ZNF736: variants seen among roughly 807,000 people sequenced by gnomAD.
ZNF736 encodes zinc finger protein 736.
In ZNF736, 6 loss-of-function variants were observed where a neutral mutation model predicts 11.7. The ratio of observed to expected loss-of-function variants is 0.51; its 90% CI spans 0.28 to 1.01. ZNF736 has a LOEUF of 1.01. ZNF736 is among the 50% of genes least tolerant of loss of function. The pLI is 0.09. For synonymous variants in ZNF736, 139 were observed against 164.7 expected (o/e 0.84, Z 1.19); for missense variants, 444 against 496.0 (o/e 0.90, Z 1.00).
At chr7:64,342,969 T>C (rs1789358360) in intron 3 of ZNF736, among the ~76,000 whole-genome samples, 1 of 152,170 alleles carries the variant, frequency 6.6e-6, no homozygotes, top group Non-Finnish European at 1.5e-5. Context: ...CCTTTACATT[T>C]TGTGCAAAAA....
intron 3 of ZNF736, among the ~76,000 whole-genome samples, chr7:64,338,244 AC>A (rs1275064973): frequency 2.0e-5 from 3 of 152,202 alleles, no homozygotes; most frequent in Non-Finnish European, 4.4e-5. Flanking sequence ...ATAATTGAAT[AC>A]CTATGTATTG....
At position 64,349,205 on chromosome 7, in the gene ZNF736, A is replaced by C; in HGVS notation, c.*58A>C. The C allele has an allele frequency of 7.5e-7, 1 of 1,328,102 alleles. No homozygotes were observed. Among genetic ancestry groups the C allele is most frequent in the African/African-American group, 1.5e-5 (1 of 67,452 alleles). 82.3% of individuals were successfully genotyped at this position (1,328,102 alleles called of 1,614,324 possible). A position where few individuals can be genotyped will look rare whatever the true frequency, so the allele number is the denominator to read the frequency against. ...CTGTGTTCAACATCTGAAATTTAAT[A>C]CTGAACAAATGCAGTATAAATGTAA... On this transcript the variant is annotated 3_prime_UTR_variant, in exon 4 of 4. Transcript: ENST00000423484.
At chr7:64,317,326 G>A (rs1788931676) in intron 1 of ZNF736, among the ~76,000 whole-genome samples, 1 of 152,112 alleles carries the variant, frequency 6.6e-6, no homozygotes, top group African/African-American at 2.4e-5. Flanking sequence ...TTCATGGGAG[G>A]TGACACCTCA....
intron 1 of ZNF736, among the ~76,000 whole-genome samples, chr7:64,334,512 T>A (rs1016864966): frequency 2.0e-5 from 3 of 152,190 alleles, no homozygotes; most frequent in African/African-American, 7.2e-5. Flanking sequence ...AAAGAAGATA[T>A]TTATGCAGCC....
Position 64,349,113 on chromosome 7 carries a change from G to A in ZNF736, c.1250G>A (p.Arg417Lys). The A allele has an allele frequency of 6.4e-7, 1 of 1,571,852 alleles. No homozygotes were observed. Among genetic ancestry groups the A allele is most frequent in the Non-Finnish European group, 8.6e-7 (1 of 1,158,850 alleles). The change falls in exon 4 of 4, where the codon AGA (arginine) becomes AAA (lysine). Residue 417 changes from arginine (R) to lysine (K), a missense_variant. Physicochemically the swap from Arg to Lys is conservative, Grantham distance 26. Coordinates refer to ENST00000423484, the MANE Select transcript of ZNF736 (RefSeq NM_001170905.3). ...SWFSHLIRHK[R>K]IHTREKLHKC Reference sequence around the variant, plus strand: ...TTCTCACACCTCATCAGACATAAGAGAATTCATACTAGAGAGAAGCTCCAC... The same window carrying A: ...TTCTCACACCTCATCAGACATAAGAAAATTCATACTAGAGAGAAGCTCCAC...
intron 3 of ZNF736, among the ~76,000 whole-genome samples, chr7:64,346,791 G>A (rs1024204538): frequency 4.6e-5 from 7 of 150,664 alleles, no homozygotes; most frequent in South Asian, 4.2e-4. Context: ...ATTTCTTTCT[G>A]TGCTTTTTAT....
intron 3 of ZNF736, 168 bp downstream of exon 3, chr7:64,337,150 C>T (rs2115933603): frequency 1.6e-6 from 1 of 642,808 alleles, no homozygotes; most frequent in Non-Finnish European, 2.7e-6. Context: ...TTGTCCCATT[C>T]TTGTGAATTT....
chr7:64,330,321 A>T (rs1789145993), intron 1 of ZNF736, among the ~76,000 whole-genome samples: 1 of 151,796 alleles, frequency 6.6e-6, no homozygotes, highest in East Asian at 1.9e-4. Context: ...CGCGCCGGCT[A>T]ATTTTTTTGT....
rs1421688016 is a variant in ZNF736, at chr7:64,354,209, C to T, written c.*5062C>T. On this transcript the variant is annotated 3_prime_UTR_variant, in exon 4 of 4. Coordinates refer to ENST00000423484, the MANE Select transcript of ZNF736 (RefSeq NM_001170905.3). ...TGAACAACTATTTATAAAATTTTAT[C>T]CTACTTTTTTCTGTTGAACATATGA... 4 of 152,034 alleles carry T rather than the reference C, an allele frequency of 2.6e-5. No homozygotes were observed. The highest frequency in any genetic ancestry group is 9.7e-5 in the African/African-American group (4 of 41,414). The allele number at this position is 152,034 out of a possible 1,614,324, so 9.4% of individuals were successfully genotyped here. A position where few individuals can be genotyped will look rare whatever the true frequency, so the allele number is the denominator to read the frequency against.
chr7:64,345,138 C>T (rs1041013419), intron 3 of ZNF736, among the ~76,000 whole-genome samples: 9 of 151,764 alleles, frequency 5.9e-5, no homozygotes, highest in East Asian at 2.0e-4. Context: ...ATTCTTCTGC[C>T]GACGCCTCCA....
chr7:64,322,068 T>C (rs537280395), intron 1 of ZNF736, among the ~76,000 whole-genome samples: 1 of 152,308 alleles, frequency 6.6e-6, no homozygotes, highest in South Asian at 2.1e-4. Flanking sequence ...CTGGATCATA[T>C]AATTCTATGT....
chr7:64,334,816 A>C (rs192575074), intron 1 of ZNF736, among the ~76,000 whole-genome samples: 24 of 152,350 alleles, frequency 1.6e-4, no homozygotes, highest in Non-Finnish European at 2.8e-4. Context: ...AAATCATTCT[A>C]CTATAAAGAC....
intron 3 of ZNF736, among the ~76,000 whole-genome samples, chr7:64,338,009 C>A (rs1789284356): frequency 6.6e-6 from 1 of 152,076 alleles, no homozygotes; most frequent in African/African-American, 2.4e-5. Flanking sequence ...CCTGCCTTGG[C>A]CTCCCAAAAT....
intron 3 of ZNF736, among the ~76,000 whole-genome samples, chr7:64,346,138 T>G (rs1789406886): frequency 1.3e-5 from 2 of 152,226 alleles, no homozygotes; most frequent in Admixed American, 1.3e-4. Context: ...TTGGGAAAAC[T>G]GTCTTGTATT....
intron 1 of ZNF736, among the ~76,000 whole-genome samples, chr7:64,328,851 G>T (rs1584268313): frequency 1.3e-5 from 2 of 151,970 alleles, no homozygotes. Context: ...TTTTTTTTTA[G>T]GTATGGGAAG....
At chr7:64,347,746 T>C (rs1324040518) in intron 3 of ZNF736, among the ~76,000 whole-genome samples, 2 of 152,216 alleles carry the variant, frequency 1.3e-5, no homozygotes, top group African/African-American at 2.4e-5. Flanking sequence ...CATGTGCCAC[T>C]ATTTTATTTA....
At position 64,354,647 on chromosome 7, in the gene ZNF736, G is replaced by A. The variant is rs981305228; in HGVS notation, c.*5500G>A. On this transcript the variant is annotated 3_prime_UTR_variant, in exon 4 of 4. Transcript: ENST00000423484. ...TTTGTATAATCACCTCAGAGATTAT[G>A]AAAGTGACTTTGATAAAATTTAATG... The A allele has an allele frequency of 1.3e-5, 2 of 152,112 alleles. No individual in the cohort carries two copies. Among genetic ancestry groups the A allele is most frequent in the African/African-American group, 2.4e-5 (1 of 41,434 alleles). The allele number at this position is 152,112 out of a possible 1,614,324, so 9.4% of individuals were successfully genotyped here. A position where few individuals can be genotyped will look rare whatever the true frequency, so the allele number is the denominator to read the frequency against.
intron 1 of ZNF736, among the ~76,000 whole-genome samples, chr7:64,319,327 GTATGTGTA>G (rs1562666650): frequency 4.5e-5 from 3 of 66,944 alleles, no homozygotes; most frequent in African/African-American, 1.8e-4. Flanking sequence ...GTGTGTGTGT[GTATGTGTA>G]TATATATATA....
chr7:64,344,418 G>T (rs188900403), intron 3 of ZNF736, among the ~76,000 whole-genome samples: 72 of 152,268 alleles, frequency 4.7e-4, no homozygotes, highest in Admixed American at 4.7e-3. Flanking sequence ...TTTTGTAAAA[G>T]AAATATGCTA....
Sources: allele counts gnomAD v4.1 joint callset (sites outside exome capture counted in the v4.1 genomes callset), GRCh38; gene constraint gnomAD v4.1.1; transcripts MANE v1.5; gene names NCBI Gene and HGNC (gene_info 2026-07-23, HGNC 2026-07-21).